Variants in ERG observed in about 807,000 individuals in gnomAD.
ERG encodes the protein transcriptional regulator ERG.
A neutral mutation model predicts 55.3 loss-of-function variants in ERG; 9 were observed. That is an observed-to-expected ratio of 0.16 (90% CI 0.10 to 0.28). The LOEUF is 0.28. ERG is among the 10% of genes least tolerant of loss of function. The pLI, the probability that ERG is intolerant of heterozygous loss-of-function variation, is 1.00. For missense variants in ERG, 434 were observed against 631.6 expected (o/e 0.69, Z 3.35); for synonymous variants, 223 against 237.3 (o/e 0.94, Z 0.55).
chr21:38,475,884 A>G (rs1276524123), intron 1 of ERG, among the ~76,000 whole-genome samples: 1 of 152,192 alleles, frequency 6.6e-6, no homozygotes, highest in Non-Finnish European at 1.5e-5. Context: ...TTAGTGAGTA[A>G]ATGAATGAGT....
chr21:38,412,586 A>C (rs1989109010), intron 3 of ERG, among the ~76,000 whole-genome samples: 1 of 150,970 alleles, frequency 6.6e-6, no homozygotes. Context: ...CCTGTATCTC[A>C]CTCCCTTCTT....
In ERG at chr21:38,600,936, C is replaced by A. The variant is rs572513157; in HGVS notation, c.-149-15991G>T. ...TTGCAACCTATCCATGCATCTAACC[C>A]CCCCTGGAAATCTCTGGCTCCAAGA... On this transcript the variant is annotated intron_variant, in intron 1 of 10. Coordinates refer to the ERG transcript ENST00000398910. Among the ~76,000 whole-genome samples, 5 of 152,236 alleles carry A rather than the reference C, an allele frequency of 3.3e-5. No homozygotes were observed. In the East Asian group the frequency reaches 9.7e-4, roughly 29 times the overall value.
chr21:38,613,298 C>A (rs974172968), intron 1 of ERG, among the ~76,000 whole-genome samples: 2 of 152,212 alleles, frequency 1.3e-5, no homozygotes, highest in Admixed American at 1.3e-4. Flanking sequence ...AGTTAGCACA[C>A]GCGGCCCCTT....
chr21:38,394,959 T>C (rs1988138400), intron 6 of ERG, among the ~76,000 whole-genome samples: 1 of 152,236 alleles, frequency 6.6e-6, no homozygotes, highest in African/African-American at 2.4e-5. Flanking sequence ...GCCGAACTAC[T>C]ATTCCCAAAA....
At chr21:38,462,691 T>C (rs1336774833) in intron 1 of ERG, among the ~76,000 whole-genome samples, 3 of 152,136 alleles carry the variant, frequency 2.0e-5, no homozygotes, top group Admixed American at 2.0e-4. Context: ...TTATGCAACT[T>C]AAAAAACTGA....
intron 2 of ERG, among the ~76,000 whole-genome samples, chr21:38,425,119 C>T (rs1009414315): frequency 6.6e-6 from 1 of 152,180 alleles, no homozygotes; most frequent in Non-Finnish European, 1.5e-5. Context: ...AGTGGTGGCT[C>T]ACACCTGTAA....
chr21:38,393,425 T>C (rs1988067627), intron 6 of ERG, among the ~76,000 whole-genome samples: 1 of 152,226 alleles, frequency 6.6e-6, no homozygotes, highest in African/African-American at 2.4e-5. Context: ...TTCAAAATTA[T>C]GTCTTCTTGG....
At chr21:38,459,702 C>A (rs564081796) in intron 1 of ERG, among the ~76,000 whole-genome samples, 1 of 152,280 alleles carries the variant, frequency 6.6e-6, no homozygotes, top group East Asian at 1.9e-4. Flanking sequence ...CACTAGAAAT[C>A]ACACATATCT....
At chr21:38,615,127 T>G (rs2060250908) in intron 1 of ERG, among the ~76,000 whole-genome samples, 1 of 152,178 alleles carries the variant, frequency 6.6e-6, no homozygotes, top group Admixed American at 6.5e-5. Context: ...ACACTATTAT[T>G]CAGTACAACA....
In ERG at chr21:38,602,769, CATT is replaced by C. The variant is rs1020214805; in HGVS notation, c.-149-17827_-149-17825del. Among the ~76,000 whole-genome samples, 16 of 151,654 alleles carry C rather than the reference CATT, an allele frequency of 1.1e-4. 1 individual carries two copies. The highest frequency in any genetic ancestry group is 3.6e-4 in the African/African-American group (15 of 41,258). On this transcript the variant is annotated intron_variant, in intron 1 of 10. Transcript: ENST00000398910. ...CACGTCTCAGTGGCTTGATGCTTCA[CATT>C]AAGCTCCTTTAAGCAGCTAGAAGTT...
At chr21:38,442,442 G>C (rs2058850358) in intron 2 of ERG, among the ~76,000 whole-genome samples, 1 of 152,148 alleles carries the variant, frequency 6.6e-6, no homozygotes, top group Non-Finnish European at 1.5e-5. Flanking sequence ...CCCTGAAAAA[G>C]ATGTTTCCCG....
Position 38,380,378 on chromosome 21 carries a change from C to T in ERG, c.*3025G>A, listed in dbSNP as rs1412137868. ...GTCCTGACAAAGCACTTTGTGAACCCCTCCGGGACATAAGGGCATCAAACT... is the reference window on the plus strand; with the variant it reads ...GTCCTGACAAAGCACTTTGTGAACCTCTCCGGGACATAAGGGCATCAAACT... On this transcript the variant is annotated 3_prime_UTR_variant, in exon 10 of 10. Transcript: ENST00000288319. 2.8e-6 allele frequency: 3 copies of T among 1,061,232 alleles called. No individual in the cohort carries two copies. Among genetic ancestry groups the T allele is most frequent in the South Asian group, 9.1e-5 (2 of 21,948 alleles). The allele number at this position is 1,061,232 out of a possible 1,614,324, so 65.7% of individuals were successfully genotyped here. A position where few individuals can be genotyped will look rare whatever the true frequency, so the allele number is the denominator to read the frequency against.
At chr21:38,445,138 CTTTTTTT>C (rs77891753) in intron 2 of ERG, among the ~76,000 whole-genome samples, 3 of 136,664 alleles carry the variant, frequency 2.2e-5, no homozygotes, top group East Asian at 2.0e-4. Flanking sequence ...CTTTCTTCTT[CTTTTTTT>C]TTTTTTTTTT....
intron 1 of ERG, among the ~76,000 whole-genome samples, chr21:38,464,114 A>T (rs1411092998): frequency 6.6e-6 from 1 of 152,170 alleles, no homozygotes; most frequent in African/African-American, 2.4e-5. Context: ...CTTATTAAGA[A>T]TTCCCTTGGC....
At chr21:38,450,326 C>T (rs749818656) in intron 1 of ERG, among the ~76,000 whole-genome samples, 6 of 151,742 alleles carry the variant, frequency 4.0e-5, no homozygotes, top group East Asian at 1.9e-4. Flanking sequence ...TGCAGTGAGC[C>T]GGGATCACGC....
intron 1 of ERG, among the ~76,000 whole-genome samples, chr21:38,591,370 TA>T (rs2060099354): frequency 6.6e-6 from 1 of 152,178 alleles, no homozygotes; most frequent in Non-Finnish European, 1.5e-5. Context: ...CAATGTAGGC[TA>T]CTCATAGAAG....
chr21:38,426,654 G>A (rs1453316330), intron 2 of ERG, among the ~76,000 whole-genome samples: 1 of 152,188 alleles, frequency 6.6e-6, no homozygotes, highest in Non-Finnish European at 1.5e-5. Context: ...AAACAGGCCA[G>A]GTGTGGTGAC....
chr21:38,474,621 C>G (rs924003457), intron 1 of ERG, among the ~76,000 whole-genome samples: 2 of 152,130 alleles, frequency 1.3e-5, no homozygotes, highest in Admixed American at 1.3e-4. Flanking sequence ...GCAGAAATAA[C>G]CCTTGCTCTG....
Position 38,403,658 on chromosome 21 carries a change from A to G in ERG, c.440T>C (p.Val147Ala), listed in dbSNP as rs201110093. Residue 147 changes from valine to alanine, a missense_variant, in exon 4 of 10, where the codon GTG becomes GCG. By Grantham distance (64) the Val-to-Ala change is moderately conservative (BLOSUM62 0). Coordinates refer to ENST00000288319, the MANE Select transcript of ERG (RefSeq NM_182918.4). ...GACGTCTGGAAGGCCATATTCTTTC[A>G]CCGCCCACTCCAGCCACTGCCGCAC... ...DHVRQWLEWAVKEYGLPDVNI... is the reference protein window; with the variant it reads ...DHVRQWLEWAAKEYGLPDVNI... 1 of 1,613,924 alleles carries G rather than the reference A, an allele frequency of 6.2e-7. No homozygotes were observed. Among genetic ancestry groups the G allele is most frequent in the South Asian group, 1.1e-5 (1 of 91,080 alleles).
Sources: allele counts gnomAD v4.1 joint callset (sites outside exome capture counted in the v4.1 genomes callset), GRCh38; gene constraint gnomAD v4.1.1; transcripts MANE v1.5; gene names NCBI Gene and HGNC (gene_info 2026-07-23, HGNC 2026-07-21).